Variants in MREG observed in about 807,000 individuals in gnomAD.
MREG encodes melanoregulin.
Under a neutral mutation model 28.5 loss-of-function variants are expected in MREG, and 31 were observed. That is an observed-to-expected ratio of 1.09 (90% CI 0.82 to 1.47). MREG has a LOEUF of 1.47. Ranked by LOEUF, MREG falls within the 40% of genes most tolerant of loss-of-function variation. The probability of loss-of-function intolerance (pLI) is 0.00; values close to 1 mark genes in which losing one functional copy is unlikely to be tolerated. For missense variants in MREG, 256 were observed against 257.4 expected (o/e 0.99, Z 0.04); for synonymous variants, 106 against 95.2 (o/e 1.11, Z -0.66).
At chr2:216,015,188 T>TGTGTGC (rs1244401768), upstream of MREG, among the ~76,000 whole-genome samples, 5 of 142,716 alleles carry the variant, frequency 3.5e-5, no homozygotes, top group East Asian at 2.1e-4. Context: ...TGTTCGTGTA[T>TGTGTGC]GTGTGCGTGT....
intron 2 of MREG, among the ~76,000 whole-genome samples, chr2:215,953,982 C>T (rs3770523): frequency 0.2 from 30,474 of 152,150 alleles, 3,114 homozygotes; most frequent in Middle Eastern, 0.35. Flanking sequence ...TGGCTCTGCC[C>T]AGATCCCAAT....
chr2:215,971,828 A>G (rs1250151772), intron 2 of MREG, among the ~76,000 whole-genome samples: 1 of 152,228 alleles, frequency 6.6e-6, no homozygotes, highest in Non-Finnish European at 1.5e-5. Flanking sequence ...GGGCAGAGGA[A>G]CAGGTAGAGT....
chr2:216,015,872 TAGAGG>T (rs1156393104), upstream of MREG, among the ~76,000 whole-genome samples: 1 of 152,060 alleles, frequency 6.6e-6, no homozygotes, highest in African/African-American at 2.4e-5. Context: ...CTGGCTGAGA[TAGAGG>T]AGTGTGGGAG....
At chr2:216,005,972 G>C (rs768563097) in intron 1 of MREG, among the ~76,000 whole-genome samples, 2 of 152,062 alleles carry the variant, frequency 1.3e-5, no homozygotes, top group African/African-American at 4.8e-5. Context: ...AGAGTGCATG[G>C]TATATAACTG....
At chr2:215,956,283 T>C (rs1206886629) in intron 2 of MREG, among the ~76,000 whole-genome samples, 1 of 152,172 alleles carries the variant, frequency 6.6e-6, no homozygotes. Flanking sequence ...AGTTAATATA[T>C]GTAAAGAGAT....
chr2:215,955,140 T>C (rs185964460), intron 2 of MREG, among the ~76,000 whole-genome samples: 8 of 152,378 alleles, frequency 5.3e-5, no homozygotes, highest in Admixed American at 2.0e-4. Flanking sequence ...AACAGTAGCA[T>C]ATTATACCTT....
rs549744417 is a variant in MREG, at chr2:216,030,725, C to CTT, written c.-68+2062_-68+2063dup. Among the ~76,000 whole-genome samples the CTT allele has an allele frequency of 5.7e-3, 825 of 145,052 alleles. 19 individuals carry two copies. The highest frequency in any genetic ancestry group is 0.012 in the African/African-American group (474 of 39,532). On this transcript the variant is annotated intron_variant, in intron 1 of 3. Coordinates refer to the MREG transcript ENST00000420348. Reference sequence around the variant, plus strand: ...AACTGGCTAATTTTTGTATTTCTTTCTTTCTTTTTTTTTTTTTAGTAGAGA... The same window carrying CTT: ...AACTGGCTAATTTTTGTATTTCTTTCTTTTTCTTTTTTTTTTTTTAGTAGAGA...
chr2:216,006,181 C>T (rs530439018), intron 1 of MREG, among the ~76,000 whole-genome samples: 7 of 152,310 alleles, frequency 4.6e-5, no homozygotes, highest in Admixed American at 2.0e-4. Context: ...TTCATCTTCT[C>T]GGGAACTTCC....
downstream of MREG, among the ~76,000 whole-genome samples, chr2:215,941,314 C>T (rs925386159): frequency 1.3e-5 from 2 of 152,114 alleles, no homozygotes; most frequent in African/African-American, 2.4e-5. Context: ...AAGTAGTAGT[C>T]GACAGGCAGA....
chr2:215,947,770 C>T (rs1402889254), intron 2 of MREG, among the ~76,000 whole-genome samples: 1 of 152,166 alleles, frequency 6.6e-6, no homozygotes, highest in Non-Finnish European at 1.5e-5. Context: ...ATTCATTTTC[C>T]TTTGATAGGA....
At chr2:215,975,973 C>T (rs1047539375) in intron 2 of MREG, among the ~76,000 whole-genome samples, 4 of 152,090 alleles carry the variant, frequency 2.6e-5, no homozygotes, top group Non-Finnish European at 4.4e-5. Context: ...GTAATCCCAG[C>T]TACTCGCGGG....
At chr2:215,940,811 G>T (rs1428432584), downstream of MREG, among the ~76,000 whole-genome samples, 3 of 152,138 alleles carry the variant, frequency 2.0e-5, no homozygotes, top group Non-Finnish European at 4.4e-5. Flanking sequence ...ACCTAATAGG[G>T]AACTCTGGAG....
chr2:215,949,285 C>T (rs914608444), intron 2 of MREG, among the ~76,000 whole-genome samples: 1 of 149,234 alleles, frequency 6.7e-6, no homozygotes, highest in African/African-American at 2.5e-5. Context: ...GAGGGCCAGG[C>T]ATGCTGGCTC....
In MREG at chr2:216,031,691, G is replaced by GAGAAAGAAAGAAAGAAAGAAAGAA. The variant is rs1395273679; in HGVS notation, c.-68+1097_-68+1098insTTCTTTCTTTCTTTCTTTCTTTCT. 2.2e-3 allele frequency among the ~76,000 whole-genome samples: 136 copies of GAGAAAGAAAGAAAGAAAGAAAGAA among 61,112 alleles called. 3 individuals carry two copies. The highest frequency in any genetic ancestry group is 4.1e-3 in the African/African-American group (68 of 16,586). 40.1% of individuals were successfully genotyped at this position (61,112 alleles called of 152,430 possible). A position where few individuals can be genotyped will look rare whatever the true frequency, so the allele number is the denominator to read the frequency against. On this transcript the variant is annotated intron_variant, in intron 1 of 3. Coordinates refer to the MREG transcript ENST00000420348. ...AGAAAGAAAGAAAGAAAGAAAGAAAGAGAAAGAAAGAAAGAAAGAAAGGGA... is the reference window on the plus strand; with the variant it reads ...AGAAAGAAAGAAAGAAAGAAAGAAAGAGAAAGAAAGAAAGAAAGAAAGAAAGAAAGAAAGAAAGAAAGAAAGGGA...
chr2:216,026,025 A>G (rs768220800), intron 1 of MREG, among the ~76,000 whole-genome samples: 8 of 152,244 alleles, frequency 5.3e-5, no homozygotes, highest in Non-Finnish European at 1.5e-5. Flanking sequence ...AAACATGATG[A>G]AAACTCTTCC....
chr2:215,969,816 G>C (rs1693040536), intron 2 of MREG, among the ~76,000 whole-genome samples: 1 of 152,082 alleles, frequency 6.6e-6, no homozygotes, highest in South Asian at 2.1e-4. Context: ...GAGGGGTGGG[G>C]GGCAGTTAAA....
At chr2:215,979,500 T>A (rs969928128) in intron 2 of MREG, among the ~76,000 whole-genome samples, 2 of 146,652 alleles carry the variant, frequency 1.4e-5, no homozygotes, top group African/African-American at 5.0e-5. Context: ...ATAATAATAA[T>A]AATAATAATA....
intron 2 of MREG, among the ~76,000 whole-genome samples, chr2:215,973,912 T>G (rs1693172861): frequency 1.3e-5 from 2 of 152,202 alleles, no homozygotes; most frequent in Admixed American, 6.5e-5. Context: ...TCCAACACAC[T>G]TCTTGCATGC....
chr2:215,987,834 C>T (rs1467719632), intron 2 of MREG, among the ~76,000 whole-genome samples: 8 of 151,872 alleles, frequency 5.3e-5, no homozygotes, highest in East Asian at 1.9e-4. Context: ...AACCAGGAGA[C>T]GGAGGTTGCA....
Sources: gnomAD v4.1 joint callset for allele counts (sites outside exome capture counted in the v4.1 genomes callset) on GRCh38, gnomAD v4.1.1 for gene constraint, MANE v1.5 for transcripts, NCBI Gene and HGNC (gene_info 2026-07-23, HGNC 2026-07-21) for gene names.